Variants in SGSM1 observed in about 807,000 individuals in gnomAD.
The protein encoded by SGSM1 is small G protein signaling modulator 1.
A neutral mutation model predicts 133.8 loss-of-function variants in SGSM1; 73 were observed. That is an observed-to-expected ratio of 0.55 (90% CI 0.45 to 0.66). The LOEUF (loss-of-function observed/expected upper bound fraction) is 0.66, where lower values mean the gene tolerates loss of function less well. Ranked by LOEUF, SGSM1 falls within the 30% of genes least tolerant of loss-of-function variation. The probability of loss-of-function intolerance (pLI) is 0.00; values close to 1 mark genes in which losing one functional copy is unlikely to be tolerated. For synonymous variants in SGSM1, 563 were observed against 573.0 expected (o/e 0.98, Z 0.25); for missense variants, 1,213 against 1,448.1 (o/e 0.84, Z 2.64).
chr22:24,833,809 G>A (rs1308849350), intron 2 of SGSM1, among the ~76,000 whole-genome samples: 1 of 152,250 alleles, frequency 6.6e-6, no homozygotes, highest in Non-Finnish European at 1.5e-5. Context: ...AGGCATGCTA[G>A]ACAGTGGGAG....
At chr22:24,808,091 C>T (rs1172090021) in intron 2 of SGSM1, among the ~76,000 whole-genome samples, 2 of 151,340 alleles carry the variant, frequency 1.3e-5, no homozygotes, top group African/African-American at 4.9e-5. Flanking sequence ...CATCTAGAAC[C>T]TCTTATCTTT....
intron 2 of SGSM1, among the ~76,000 whole-genome samples, chr22:24,842,013 C>T (rs571910436): frequency 6.6e-6 from 1 of 152,300 alleles, no homozygotes; most frequent in South Asian, 2.1e-4. Context: ...TGGACTCCCC[C>T]ACCCCCAATG....
At chr22:24,853,517 A>T (rs577671866) in intron 5 of SGSM1, among the ~76,000 whole-genome samples, 2 of 152,354 alleles carry the variant, frequency 1.3e-5, no homozygotes, top group East Asian at 3.9e-4. Flanking sequence ...TGATAAAGAT[A>T]TACCCAAAAC....
chr22:24,924,344 G>C lies in SGSM1; in HGVS notation c.*70G>C. ...GCTCCTCTGCTTACTTTTCCTCCTGGCTGGATGGGCACCCCGGGAGCGGGG... is the reference window on the plus strand; with the variant it reads ...GCTCCTCTGCTTACTTTTCCTCCTGCCTGGATGGGCACCCCGGGAGCGGGG... On this transcript the variant is annotated 3_prime_UTR_variant, in exon 25 of 25. Coordinates refer to ENST00000400358, the MANE Select transcript of SGSM1 (RefSeq NM_001098497.3). The C allele has an allele frequency of 7.2e-7, 1 of 1,397,482 alleles. No homozygotes were observed. Among genetic ancestry groups the C allele is most frequent in the Non-Finnish European group, 1.0e-6 (1 of 991,222 alleles). 86.6% of individuals were successfully genotyped at this position (1,397,482 alleles called of 1,614,324 possible). A position where few individuals can be genotyped will look rare whatever the true frequency, so the allele number is the denominator to read the frequency against.
At chr22:24,884,229 A>T (rs750374944) in intron 15 of SGSM1, 31 bp downstream of exon 15, 2 of 1,592,318 alleles carry the variant, frequency 1.3e-6, no homozygotes, top group African/African-American at 2.7e-5. Flanking sequence ...GTCTGCAGTG[A>T]TGCAGAGGCT....
intron 9 of SGSM1, among the ~76,000 whole-genome samples, chr22:24,863,335 T>C (rs2147866632): frequency 6.6e-6 from 1 of 152,192 alleles, no homozygotes; most frequent in Non-Finnish European, 1.5e-5. Flanking sequence ...TCTTTTCTAT[T>C]TTTAGTAGAG....
At chr22:24,832,103 G>A (rs767120499) in intron 2 of SGSM1, among the ~76,000 whole-genome samples, 1 of 152,214 alleles carries the variant, frequency 6.6e-6, no homozygotes, top group Non-Finnish European at 1.5e-5. Flanking sequence ...ACACAGTCCT[G>A]GGGTTTGGAG....
chr22:24,859,057 G>A (rs1013282954), intron 8 of SGSM1, among the ~76,000 whole-genome samples: 11 of 152,188 alleles, frequency 7.2e-5, no homozygotes, highest in South Asian at 2.1e-4. Context: ...TTATAGGTGC[G>A]TGTGGTTAAA....
At chr22:24,881,995 C>T (rs1316212946) in intron 14 of SGSM1, among the ~76,000 whole-genome samples, 2 of 152,036 alleles carry the variant, frequency 1.3e-5, no homozygotes, top group Non-Finnish European at 2.9e-5. Context: ...TCAGCATCTC[C>T]CTGGTTACTG....
intron 18 of SGSM1, among the ~76,000 whole-genome samples, chr22:24,897,033 T>G (rs536260766): frequency 6.6e-6 from 1 of 152,012 alleles, no homozygotes; most frequent in East Asian, 1.9e-4. Context: ...AAAGTCTATA[T>G]GATGAAAAGT....
chr22:24,888,453 TG>T, intron 16 of SGSM1, among the ~76,000 whole-genome samples: 1 of 152,256 alleles, frequency 6.6e-6, no homozygotes, highest in South Asian at 2.1e-4. Flanking sequence ...CTTCCTCCAT[TG>T]AATTGCTCTT....
chr22:24,835,587 A>G (rs1369142773), intron 2 of SGSM1, among the ~76,000 whole-genome samples: 1 of 152,128 alleles, frequency 6.6e-6, no homozygotes. Context: ...GGGGAGTTGC[A>G]ATTTTAAATA....
At chr22:24,897,070 T>C (rs993995428) in intron 18 of SGSM1, among the ~76,000 whole-genome samples, 3 of 151,992 alleles carry the variant, frequency 2.0e-5, no homozygotes, top group Non-Finnish European at 2.9e-5. Flanking sequence ...TTTGATTCCC[T>C]AGTACCCCCT....
intron 17 of SGSM1, among the ~76,000 whole-genome samples, chr22:24,894,379 G>A (rs528187863): frequency 6.2e-4 from 95 of 152,314 alleles, no homozygotes; most frequent in African/African-American, 2.0e-3. Context: ...GGCAACGAGC[G>A]AAACTCCCTC....
intron 2 of SGSM1, among the ~76,000 whole-genome samples, chr22:24,834,205 G>A (rs188796522): frequency 1.3e-4 from 20 of 152,354 alleles, no homozygotes; most frequent in African/African-American, 4.6e-4. Flanking sequence ...TGTCAGTCAC[G>A]TCAGCACTGA....
intron 19 of SGSM1, among the ~76,000 whole-genome samples, chr22:24,900,560 G>T (rs1028587367): frequency 6.6e-6 from 1 of 151,810 alleles, no homozygotes; most frequent in Non-Finnish European, 1.5e-5. Context: ...CCCACGCCCG[G>T]CTGATTTTGT....
At chr22:24,902,090 C>T (rs1933187129) in intron 20 of SGSM1, 133 bp downstream of exon 20, 5 of 943,330 alleles carry the variant, frequency 5.3e-6, no homozygotes, top group Non-Finnish European at 7.9e-6. Flanking sequence ...CTTACTTAGC[C>T]CACAGTGAAA....
At chr22:24,847,921 A>T in intron 4 of SGSM1, 125 bp downstream of exon 4, 1 of 1,305,702 alleles carries the variant, frequency 7.7e-7, no homozygotes, top group South Asian at 1.6e-5. Context: ...TCTCAAACCC[A>T]CCAGACTCTT....
At chr22:24,877,813 T>C (rs867255621) in intron 13 of SGSM1, among the ~76,000 whole-genome samples, 1,572 of 137,558 alleles carry the variant, frequency 0.011, 25 homozygotes, top group African/African-American at 0.04. Flanking sequence ...TTTTTTTTTT[T>C]TTTTTTTTTT....
Sources: gnomAD v4.1 joint callset for allele counts (sites outside exome capture counted in the v4.1 genomes callset) on GRCh38, gnomAD v4.1.1 for gene constraint, MANE v1.5 for transcripts, NCBI Gene and HGNC (gene_info 2026-07-23, HGNC 2026-07-21) for gene names.